The following PAPOLA variants were observed in gnomAD, a reference collection of about 807,000 sequenced individuals.
PAPOLA encodes polynucleotide adenylyltransferase alpha.
A neutral mutation model predicts 100.6 loss-of-function variants in PAPOLA; 15 were observed. The observed-to-expected ratio is 0.15, with a 90% CI of 0.10 to 0.23. The LOEUF (loss-of-function observed/expected upper bound fraction) is 0.23, where lower values mean the gene tolerates loss of function less well. Among genes scored for constraint, PAPOLA ranks in the 10% least tolerant of loss-of-function variants. The pLI is 1.00. For synonymous variants in PAPOLA, 293 were observed against 300.0 expected (o/e 0.98, Z 0.24); for missense variants, 533 against 884.2 (o/e 0.60, Z 5.04).
chr14:96,542,275 C>A lies in PAPOLA; in HGVS notation c.1148C>A (p.Thr383Lys). The A allele has an allele frequency of 6.2e-7, 1 of 1,601,750 alleles. No homozygotes were observed. The highest frequency in any genetic ancestry group is 8.6e-7 in the Non-Finnish European group (1 of 1,169,296). The change falls in exon 13 of 22, where the codon ACA becomes AAA. Residue 383 changes from threonine (T) to lysine (K), a missense_variant. Coordinates refer to ENST00000216277, the MANE Select transcript of PAPOLA (RefSeq NM_032632.5). ...HYIVLLASAP[T>K]EKQRLEWVGL... The stretch of plus-strand genomic sequence containing the variant: ...ATTGTACTTCTAGCAAGTGCACCAA[C>A]AGAAAAACAACGCCTGGAATGGTGA...
rs766854463 is a variant in PAPOLA, at chr14:96,510,419, C to CT, written c.8+7835dup. 6.0e-3 allele frequency among the ~76,000 whole-genome samples: 755 copies of CT among 125,894 alleles called. 4 individuals are homozygous for CT. Among genetic ancestry groups the CT allele is most frequent in the African/African-American group, 7.0e-3 (239 of 34,166 alleles). 82.6% of individuals were successfully genotyped at this position (125,894 alleles called of 152,430 possible). A position where few individuals can be genotyped will look rare whatever the true frequency, so the allele number is the denominator to read the frequency against. On this transcript the variant is annotated intron_variant, in intron 1 of 21. Transcript: ENST00000216277. The stretch of plus-strand genomic sequence containing the variant: ...GTTGATGTAGCAGTGTACAATTTGG[C>CT]TTTTTTTTTTTTTTTTAAGTTTCTC...
At position 96,556,748 on chromosome 14, in the gene PAPOLA, T is replaced by G. The variant is rs1901373189; in HGVS notation, c.2004+335T>G. On this transcript the variant is annotated intron_variant, in intron 19 of 21. Coordinates refer to ENST00000216277, the MANE Select transcript of PAPOLA (RefSeq NM_032632.5). ...ATGACTACCTTTTATTTGTACTGAT[T>G]TTTTGATGGTCCTTTGGACAGTTTT... is the stretch of plus-strand genomic sequence containing the variant. 2.0e-5 allele frequency among the ~76,000 whole-genome samples: 3 copies of G among 152,228 alleles called. No homozygotes were observed. The South Asian group carries it at 6.2e-4, about 32-fold the overall frequency.
chr14:96,556,499 A>G (rs979723581), intron 19 of PAPOLA, 86 bp downstream of exon 19: 1 of 889,538 alleles, frequency 1.1e-6, no homozygotes, highest in African/African-American at 1.7e-5. Context: ...TTATGAACCA[A>G]AATAGAGAAG....
intron 9 of PAPOLA, chr14:96,533,003 C>G (rs964648997): frequency 4.0e-6 from 4 of 994,614 alleles, no homozygotes; most frequent in South Asian, 4.6e-5. Flanking sequence ...TTTTAATTCT[C>G]TATCTATAGG....
intron 12 of PAPOLA, 164 bp downstream of exon 12, chr14:96,537,224 G>A: frequency 1.7e-6 from 1 of 580,876 alleles, no homozygotes. Flanking sequence ...TTTTGGTTGA[G>A]GTAATGAATG....
At chr14:96,551,925 A>T (rs952884408) in intron 16 of PAPOLA, among the ~76,000 whole-genome samples, 1 of 152,006 alleles carries the variant, frequency 6.6e-6, no homozygotes, top group African/African-American at 2.4e-5. Context: ...TCTGAATTGC[A>T]ATTAGAGCAC....
intron 12 of PAPOLA, 35 bp downstream of exon 12, chr14:96,537,095 T>C: frequency 9.1e-7 from 1 of 1,098,572 alleles, no homozygotes; most frequent in Non-Finnish European, 1.4e-6. Context: ...CATGTTGCTC[T>C]CTTAAGTAAT....
intron 21 of PAPOLA, among the ~76,000 whole-genome samples, chr14:96,563,917 G>C (rs771520559): frequency 1.3e-5 from 2 of 151,920 alleles, no homozygotes; most frequent in Admixed American, 6.6e-5. Flanking sequence ...TATTTTCATA[G>C]TTTTGTCTTA....
chr14:96,552,632 AAG>A lies in PAPOLA; in HGVS notation c.1664+13_1664+14del, dbSNP rs1900936540. The stretch of plus-strand genomic sequence containing the variant: ...CTGGCAGCTCTCAGGGGTAAGGAAA[AAG>A]AGGGAAATAGAAGTGGAGGGGCTGT... On this transcript the variant is annotated intron_variant, in intron 17 of 21. Transcript: ENST00000216277. 6.8e-6 allele frequency: 11 copies of A among 1,609,608 alleles called. No homozygotes were observed. Among genetic ancestry groups the A allele is most frequent in the Non-Finnish European group, 9.3e-6 (11 of 1,178,120 alleles).
chr14:96,507,993 A>C (rs1896848334), intron 1 of PAPOLA, among the ~76,000 whole-genome samples: 1 of 152,170 alleles, frequency 6.6e-6, no homozygotes, highest in Non-Finnish European at 1.5e-5. Context: ...CTCCTGCCTC[A>C]GCCTACCGAG....
intron 1 of PAPOLA, among the ~76,000 whole-genome samples, chr14:96,514,735 A>G (rs1466220769): frequency 6.6e-6 from 1 of 152,236 alleles, no homozygotes; most frequent in African/African-American, 2.4e-5. Context: ...GTATTTGGAA[A>G]CTGCTCTTTA....
Position 96,536,496 on chromosome 14 carries a change from A to G in PAPOLA, c.1031-480A>G, listed in dbSNP as rs184376835. The stretch of plus-strand genomic sequence containing the variant: ...CTGGAACAGATTGGTTTGACTGAAA[A>G]CAGTAAAGGAAATAGAATCAGTTGT... On this transcript the variant is annotated intron_variant, in intron 11 of 21. Transcript: ENST00000216277. Among the ~76,000 whole-genome samples the G allele has an allele frequency of 4.9e-3, 750 of 152,202 alleles. 9 individuals are homozygous for G. The highest frequency in any genetic ancestry group is 0.017 in the African/African-American group (723 of 41,560).
At chr14:96,556,536 T>G (rs919306784) in intron 19 of PAPOLA, 123 bp downstream of exon 19, 1 of 717,018 alleles carries the variant, frequency 1.4e-6, no homozygotes, top group Admixed American at 2.3e-5. Context: ...TTTTAGAAAA[T>G]TTTAGGTGTG....
chr14:96,549,942 TG>T (rs1900703719), intron 16 of PAPOLA, among the ~76,000 whole-genome samples: 1 of 152,134 alleles, frequency 6.6e-6, no homozygotes, highest in Non-Finnish European at 1.5e-5. Context: ...CCTTTGAGGC[TG>T]GGAGTTCAAG....
rs374563697 is a variant in PAPOLA at position 96,505,000 on chromosome 14, C to G, written c.8+2400C>G. On this transcript the variant is annotated intron_variant, in intron 1 of 21. Transcript: ENST00000216277. The stretch of plus-strand genomic sequence containing the variant: ...AAAATTATCGAAATTTAGGATATTA[C>G]AGAACATTTTGATCAAGTGTCCATA... 1.1e-4 allele frequency among the ~76,000 whole-genome samples: 17 copies of G among 152,274 alleles called. 1 individual carries two copies. In the South Asian group the frequency reaches 2.9e-3, roughly 26 times the overall value.
chr14:96,560,939 A>G (rs1901792610), intron 20 of PAPOLA, among the ~76,000 whole-genome samples: 1 of 152,202 alleles, frequency 6.6e-6, no homozygotes, highest in African/African-American at 2.4e-5. Flanking sequence ...TAAGTCATGA[A>G]TGTAATTAAT....
At chr14:96,550,357 A>G (rs999633543) in intron 16 of PAPOLA, among the ~76,000 whole-genome samples, 1 of 152,164 alleles carries the variant, frequency 6.6e-6, no homozygotes, top group Non-Finnish European at 1.5e-5. Flanking sequence ...TAGTATTTCC[A>G]TGACAATATT....
In PAPOLA at chr14:96,520,154, C is replaced by T. The variant is rs149565918; in HGVS notation, c.108C>T (p.Cys36=). 8.0e-5 allele frequency: 129 copies of T among 1,613,666 alleles called. No homozygotes were observed. In the African/African-American group the frequency reaches 1.2e-3, roughly 16 times the overall value. Residue 36 remains cysteine (C), a synonymous_variant, in exon 2 of 22, where the codon TGC becomes TGT. Transcript: ENST00000216277. ...ISLAAPKETD[C]VLTQKLIETL... Reference sequence around the variant, plus strand: ...TAGCAGCCCCCAAGGAGACTGACTGCGTACTTACACAGAAACTAATTGAGA... The same window carrying T: ...TAGCAGCCCCCAAGGAGACTGACTGTGTACTTACACAGAAACTAATTGAGA...
At chr14:96,560,310 G>C in intron 19 of PAPOLA, 1 of 184,650 alleles carries the variant, frequency 5.4e-6, no homozygotes, top group Non-Finnish European at 1.1e-5. Context: ...GTGATACTAT[G>C]CCAAGTTCCT....
Sources: gnomAD v4.1 joint callset for allele counts (sites outside exome capture counted in the v4.1 genomes callset) on GRCh38, gnomAD v4.1.1 for gene constraint, MANE v1.5 for transcripts, NCBI Gene and HGNC (gene_info 2026-07-23, HGNC 2026-07-21) for gene names.